Variants in ECHDC2 observed in about 807,000 individuals in gnomAD.
ECHDC2 encodes the protein enoyl-CoA hydratase domain containing 2, also known as enoyl-CoA hydratase domain-containing protein 2, mitochondrial.
A neutral mutation model predicts 40.6 loss-of-function variants in ECHDC2; 34 were observed. The ratio of observed to expected loss-of-function variants is 0.84; its 90% confidence interval spans 0.64 to 1.11. The LOEUF is 1.11. ECHDC2 is among the 50% of genes most tolerant of loss of function. The pLI is 0.00. For synonymous variants in ECHDC2, 162 were observed against 166.6 expected, an observed-to-expected ratio of 0.97 and a Z score of 0.21; for missense variants, 392 against 400.7, an observed-to-expected ratio of 0.98 and a Z score of 0.19.
chr1:52,921,735 G>T lies in ECHDC2; in HGVS notation c.-62C>A, dbSNP rs1473470729. The T allele has an allele frequency of 3.5e-6, 5 of 1,424,032 alleles. No individual in the cohort carries two copies. The highest frequency in any genetic ancestry group is 5.5e-5 in the East Asian group (2 of 36,598). 88.2% of individuals were successfully genotyped at this position (1,424,032 alleles called of 1,614,324 possible). A position where few individuals can be genotyped will look rare whatever the true frequency, so the allele number is the denominator to read the frequency against. On this transcript the variant is annotated 5_prime_UTR_variant, in exon 1 of 10. Transcript: ENST00000371522. ...CCTGCACCGTCTCGGCTCCCGCTGA[G>T]AGCTCGCAGTTCCGGCGTCGGGCGA...
chr1:52,906,971 G>A (rs553900121), intron 4 of ECHDC2: 6 of 154,022 alleles, frequency 3.9e-5, no homozygotes, highest in Non-Finnish European at 8.5e-5. Flanking sequence ...AAGTAGAGAC[G>A]GGGGTTTCAC....
chr1:52,912,052 G>A lies in ECHDC2; in HGVS notation c.122-262C>T. 2.9e-6 allele frequency: 4 copies of A among 1,394,982 alleles called. No individual in the cohort carries two copies. The South Asian group carries it at 6.2e-5, about 22-fold the overall frequency. The allele number at this position is 1,394,982 out of a possible 1,614,324, so 86.4% of individuals were successfully genotyped here. A position where few individuals can be genotyped will look rare whatever the true frequency, so the allele number is the denominator to read the frequency against. The stretch of plus-strand genomic sequence containing the variant: ...AAGCAAAATGGGGAGAGGAACAACA[G>A]TGACTACCACAGTAGCCCTTGCCTG... On this transcript the variant is annotated intron_variant, in intron 1 of 9. Coordinates refer to ENST00000371522, the MANE Select transcript of ECHDC2 (RefSeq NM_001198961.2).
intron 7 of ECHDC2, among the ~76,000 whole-genome samples, chr1:52,902,689 ATACAT>A (rs1188601325): frequency 6.6e-6 from 1 of 152,186 alleles, no homozygotes; most frequent in Non-Finnish European, 1.5e-5. Flanking sequence ...TGTATTTGAA[ATACAT>A]TAAATATTTA....
rs376092523 is a variant in ECHDC2, at chr1:52,911,710, C to T, written c.189+13G>A. 62 of 1,614,038 alleles carry T rather than the reference C, an allele frequency of 3.8e-5. No individual in the cohort carries two copies. Among genetic ancestry groups the T allele is most frequent in the Middle Eastern group, 1.6e-4 (1 of 6,082 alleles). ...CCCATCCCCAGCCCACCCTGGCGCCCGCCCTTTCTTACCTCACTGACGAAG... is the reference window on the plus strand; with the variant it reads ...CCCATCCCCAGCCCACCCTGGCGCCTGCCCTTTCTTACCTCACTGACGAAG... On this transcript the variant is annotated intron_variant, in intron 2 of 9. Coordinates refer to ENST00000371522, the MANE Select transcript of ECHDC2 (RefSeq NM_001198961.2).
chr1:52,921,429 G>C (rs963474659), intron 1 of ECHDC2, 124 bp downstream of exon 1: 3 of 1,437,190 alleles, frequency 2.1e-6, no homozygotes, highest in Non-Finnish European at 2.7e-6. Context: ...GGGGCGCCTA[G>C]AACTGGGAGG....
chr1:52,914,451 G>C lies in ECHDC2; in HGVS notation c.122-2661C>G, dbSNP rs899820605. Among the ~76,000 whole-genome samples, 2 of 152,144 alleles carry C rather than the reference G, an allele frequency of 1.3e-5. No individual in the cohort carries two copies. Among genetic ancestry groups the C allele is most frequent in the African/African-American group, 4.8e-5 (2 of 41,416 alleles). Reference sequence around the variant, plus strand: ...AGGGAGTGGCAGAGAAGAGGGCCCAGGTGTGGGACTGCAGGGTGCCTTCCA... The same window carrying C: ...AGGGAGTGGCAGAGAAGAGGGCCCACGTGTGGGACTGCAGGGTGCCTTCCA... On this transcript the variant is annotated intron_variant, in intron 1 of 9. Transcript: ENST00000371522. The surrounding 1 kb of genome is among the most constrained non-coding windows in gnomAD (Gnocchi z 4.0).
chr1:52,905,187 C>G lies in ECHDC2; in HGVS notation c.458-97G>C, dbSNP rs376823404. ...CTGCCTCTGCTGTCTACTCGCCCCT[C>G]TAGCCACTTGCCCCATGGTCTGGCC... is the stretch of plus-strand genomic sequence containing the variant. On this transcript the variant is annotated intron_variant, in intron 5 of 9. Transcript: ENST00000371522. 4.4e-6 allele frequency: 6 copies of G among 1,357,396 alleles called. No homozygotes were observed. In the African/African-American group the frequency reaches 7.2e-5, roughly 16 times the overall value. The allele number at this position is 1,357,396 out of a possible 1,614,324, so 84.1% of individuals were successfully genotyped here. A position where few individuals can be genotyped will look rare whatever the true frequency, so the allele number is the denominator to read the frequency against.
intron 3 of ECHDC2, 83 bp downstream of exon 3, chr1:52,911,483 A>T: frequency 7.5e-7 from 1 of 1,333,520 alleles, no homozygotes; most frequent in Non-Finnish European, 1.1e-6. Flanking sequence ...TCCCATGCTG[A>T]AGCTGATCTA....
chr1:52,896,679 G>T, intron 9 of ECHDC2, 82 bp from the exon 10 acceptor site: 2 of 1,145,670 alleles, frequency 1.7e-6, no homozygotes, highest in Non-Finnish European at 2.6e-6. Context: ...TCCAGCCCAA[G>T]ACAAGGCCAG....
At chr1:52,909,431 G>T (rs1457607368) in intron 3 of ECHDC2, among the ~76,000 whole-genome samples, 2 of 151,746 alleles carry the variant, frequency 1.3e-5, no homozygotes, top group African/African-American at 4.8e-5. Flanking sequence ...CTAAGCCAGG[G>T]GTTCCAATCT....
Position 52,896,459 on chromosome 1 carries a change from C to A in ECHDC2, c.*61G>T. 1 of 1,366,330 alleles carries A rather than the reference C, an allele frequency of 7.3e-7. No individual in the cohort carries two copies. Among genetic ancestry groups the A allele is most frequent in the Non-Finnish European group, 1.0e-6 (1 of 954,148 alleles). The allele number at this position is 1,366,330 out of a possible 1,614,324, so 84.6% of individuals were successfully genotyped here. ...TGATGAAGGCAATCTGGCCACAAAT[C>A]TTCCTTCTGGATCCTGCTCTTCAGG... On this transcript the variant is annotated 3_prime_UTR_variant, in exon 10 of 10. Coordinates refer to ENST00000371522, the MANE Select transcript of ECHDC2 (RefSeq NM_001198961.2).
At chr1:52,906,714 G>T in intron 4 of ECHDC2, 103 bp from the exon 5 acceptor site, 1 of 781,184 alleles carries the variant, frequency 1.3e-6, no homozygotes, top group Non-Finnish European at 2.0e-6. Flanking sequence ...GGCCTCAGTG[G>T]ACCCAGGTCT....
At chr1:52,921,398 C>T in intron 1 of ECHDC2, 155 bp downstream of exon 1, 1 of 1,404,628 alleles carries the variant, frequency 7.1e-7, no homozygotes, top group Non-Finnish European at 9.2e-7. Context: ...GGCCGCCCAC[C>T]TCTCAGGCCT....
chr1:52,906,284 T>G, intron 5 of ECHDC2: 1 of 606,844 alleles, frequency 1.6e-6, no homozygotes, highest in Non-Finnish European at 3.1e-6. Flanking sequence ...TGGTCAAATA[T>G]TCCCAAAATG....
At chr1:52,921,298 C>T in intron 1 of ECHDC2, 1 of 751,260 alleles carries the variant, frequency 1.3e-6, no homozygotes, top group Non-Finnish European at 1.9e-6. Context: ...CTCCCCCTTC[C>T]ACACAGTCGG....
chr1:52,900,569 C>T (rs1264284061), intron 7 of ECHDC2: 2 of 152,260 alleles, frequency 1.3e-5, no homozygotes, highest in East Asian at 3.9e-4. Context: ...AATATGTAAG[C>T]ATATGTGCAT....
chr1:52,907,846 C>A, intron 4 of ECHDC2, 22 bp downstream of exon 4: 1 of 1,605,314 alleles, frequency 6.2e-7, no homozygotes, highest in South Asian at 1.1e-5. Context: ...CCCCCTCCTC[C>A]ACCCCACACC....
chr1:52,912,784 T>G (rs1196423159), intron 1 of ECHDC2: 1 of 152,122 alleles, frequency 6.6e-6, no homozygotes, highest in African/African-American at 2.4e-5. Context: ...GCCTCCCAGG[T>G]TCAAGCGATT....
chr1:52,913,502 C>A (rs1163401518), intron 1 of ECHDC2: 1 of 152,220 alleles, frequency 6.6e-6, no homozygotes, highest in African/African-American at 2.4e-5. Flanking sequence ...CTTGCCTCAA[C>A]CTCGTGGCAG....
Sources: allele counts gnomAD v4.1 joint callset (sites outside exome capture counted in the v4.1 genomes callset), GRCh38; gene constraint gnomAD v4.1.1; non-coding constraint Gnocchi (gnomAD v3.1); transcripts MANE v1.5; gene names NCBI Gene and HGNC (gene_info 2026-07-23, HGNC 2026-07-21).